Variants in PTBP2 observed in about 807,000 individuals in gnomAD.
The protein encoded by PTBP2 is polypyrimidine tract-binding protein 2.
PTBP2 carries 13 observed loss-of-function variants against 61.4 expected under a neutral mutation model. That is an observed-to-expected ratio of 0.21 (90% CI 0.14 to 0.34). The LOEUF (loss-of-function observed/expected upper bound fraction) is 0.34, where lower values mean the gene tolerates loss of function less well. PTBP2 is among the 10% of genes least tolerant of loss of function. PTBP2 has a pLI of 1.00. For synonymous variants in PTBP2, 215 were observed against 218.5 expected (o/e 0.98, Z 0.14); for missense variants, 405 against 642.6 (o/e 0.63, Z 4.00).
downstream of PTBP2, chr1:96,817,520 A>T (rs1662531235): frequency 6.6e-6 from 1 of 152,114 alleles, no homozygotes; most frequent in Non-Finnish European, 1.5e-5. Flanking sequence ...GTTATAGAGT[A>T]TTAGATTATT....
At position 96,765,083 on chromosome 1, in the gene PTBP2, A is replaced by G. The variant is rs370214524; in HGVS notation, c.116-4620A>G. Reference sequence around the variant, plus strand: ...CTTTGGAATTTGTTTCTCATACAGGAAAGAGTAGCAGCATTCATTTTTTTT... The same window carrying G: ...CTTTGGAATTTGTTTCTCATACAGGGAAGAGTAGCAGCATTCATTTTTTTT... On this transcript the variant is annotated intron_variant, in intron 3 of 13. Coordinates refer to ENST00000674951, the MANE Select transcript of PTBP2 (RefSeq NM_021190.4). 8.5e-5 allele frequency among the ~76,000 whole-genome samples: 13 copies of G among 152,312 alleles called. 1 individual carries two copies. Among genetic ancestry groups the G allele is most frequent in the African/African-American group, 3.1e-4 (13 of 41,576 alleles).
intron 3 of PTBP2, among the ~76,000 whole-genome samples, chr1:96,752,787 CA>C (rs199881423): frequency 0.019 from 2,819 of 152,136 alleles, 87 homozygotes; most frequent in African/African-American, 0.064. Flanking sequence ...AGTCTCCCCC[CA>C]AAACCAAAAA....
intron 8 of PTBP2, among the ~76,000 whole-genome samples, chr1:96,787,648 CAA>C (rs1486014519): frequency 6.6e-6 from 1 of 152,092 alleles, no homozygotes; most frequent in Non-Finnish European, 1.5e-5. Context: ...TGATAATTCA[CAA>C]GAGATAACCA....
intron 7 of PTBP2, among the ~76,000 whole-genome samples, chr1:96,782,953 T>G (rs1046895154): frequency 6.6e-6 from 1 of 151,990 alleles, no homozygotes; most frequent in Non-Finnish European, 1.5e-5. Context: ...TTTTTCTGAT[T>G]GTTTTTGCTT....
At chr1:96,722,189 C>T (rs1649677849) in intron 1 of PTBP2, among the ~76,000 whole-genome samples, 1 of 152,072 alleles carries the variant, frequency 6.6e-6, no homozygotes, top group Non-Finnish European at 1.5e-5. Flanking sequence ...CCCGGTCTGT[C>T]CCTGCCCCCT....
intron 2 of PTBP2, among the ~76,000 whole-genome samples, chr1:96,750,863 T>C (rs1654452400): frequency 6.6e-6 from 1 of 152,130 alleles, no homozygotes; most frequent in African/African-American, 2.4e-5. Context: ...ATGTATAACC[T>C]TTTCTGTAAA....
intron 8 of PTBP2, among the ~76,000 whole-genome samples, chr1:96,794,612 C>A (rs1421570596): frequency 1.3e-5 from 2 of 152,152 alleles, no homozygotes; most frequent in Non-Finnish European, 2.9e-5. Context: ...GTCATTTTAA[C>A]ACTATGCTAG....
chr1:96,792,291 C>A (rs1254557261), intron 8 of PTBP2, among the ~76,000 whole-genome samples: 1 of 152,110 alleles, frequency 6.6e-6, no homozygotes, highest in African/African-American at 2.4e-5. Context: ...CTGTTCTTAG[C>A]CCTTTACAAG....
chr1:96,744,659 G>A (rs1653502851), intron 2 of PTBP2, among the ~76,000 whole-genome samples: 2 of 152,110 alleles, frequency 1.3e-5, no homozygotes, highest in South Asian at 4.1e-4. Context: ...TCTTGTAGGT[G>A]ATAGTATTGG....
At chr1:96,800,588 G>A (rs1006411930) in intron 8 of PTBP2, among the ~76,000 whole-genome samples, 5 of 151,858 alleles carry the variant, frequency 3.3e-5, no homozygotes, top group African/African-American at 1.2e-4. Flanking sequence ...AAAAAAATTA[G>A]CCATGCCTGG....
At chr1:96,767,270 G>A (rs2100998696) in intron 3 of PTBP2, among the ~76,000 whole-genome samples, 1 of 152,132 alleles carries the variant, frequency 6.6e-6, no homozygotes, top group Admixed American at 6.5e-5. Context: ...TTAATAATAG[G>A]TTTAGGCAGG....
intron 2 of PTBP2, among the ~76,000 whole-genome samples, chr1:96,728,831 T>C (rs1247580139): frequency 6.7e-6 from 1 of 149,502 alleles, no homozygotes; most frequent in Non-Finnish European, 1.5e-5. Context: ...TTTTTTTTTT[T>C]CAGTGCACAC....
chr1:96,783,260 A>G (rs1307990724), intron 7 of PTBP2, among the ~76,000 whole-genome samples: 6 of 151,932 alleles, frequency 3.9e-5, no homozygotes, highest in Non-Finnish European at 8.8e-5. Flanking sequence ...CTCAGCTCCT[A>G]TTTCTTTCCT....
chr1:96,785,352 T>C, intron 8 of PTBP2, 98 bp downstream of exon 8: 1 of 952,694 alleles, frequency 1.0e-6, no homozygotes, highest in Admixed American at 3.7e-5. Flanking sequence ...CCTTACCAAA[T>C]TGTGTTAGGT....
At chr1:96,745,254 C>G (rs760303770) in intron 2 of PTBP2, among the ~76,000 whole-genome samples, 1 of 152,056 alleles carries the variant, frequency 6.6e-6, no homozygotes, top group Non-Finnish European at 1.5e-5. Flanking sequence ...GCTTCGCCTC[C>G]CTGGTTCACC....
rs568963770 is a variant in PTBP2 at position 96,758,521 on chromosome 1, G to A, written c.115+7021G>A. On this transcript the variant is annotated intron_variant, in intron 3 of 13. Coordinates refer to ENST00000674951, the MANE Select transcript of PTBP2 (RefSeq NM_021190.4). The stretch of plus-strand genomic sequence containing the variant: ...AAGAAAATGTTGGTAAATCACCTCC[G>A]GTAGAATATGAGAGACAATTCTGAG... 1.2e-4 allele frequency among the ~76,000 whole-genome samples: 19 copies of A among 152,062 alleles called. 1 individual carries two copies. Among genetic ancestry groups the A allele is most frequent in the East Asian group, 1.2e-3 (6 of 5,176 alleles).
intron 11 of PTBP2, among the ~76,000 whole-genome samples, chr1:96,811,199 A>G (rs1004412540): frequency 6.6e-6 from 1 of 152,084 alleles, no homozygotes; most frequent in Non-Finnish European, 1.5e-5. Context: ...TCATATTTTG[A>G]CAGCATTATC....
At chr1:96,773,515 C>T (rs997758238) in intron 5 of PTBP2, among the ~76,000 whole-genome samples, 41 of 151,984 alleles carry the variant, frequency 2.7e-4, no homozygotes, top group Non-Finnish European at 4.6e-4. Context: ...TTCTCTTCAT[C>T]CCCCCTTTGT....
intron 2 of PTBP2, among the ~76,000 whole-genome samples, chr1:96,732,488 C>T (rs1651558372): frequency 6.6e-6 from 1 of 152,066 alleles, no homozygotes; most frequent in Non-Finnish European, 1.5e-5. Flanking sequence ...ATTAATAGTA[C>T]ACATATTAAA....
Sources: allele counts gnomAD v4.1 joint callset (sites outside exome capture counted in the v4.1 genomes callset), GRCh38; gene constraint gnomAD v4.1.1; transcripts MANE v1.5; gene names NCBI Gene and HGNC (gene_info 2026-07-23, HGNC 2026-07-21).